Variants in GAREM1 observed in about 807,000 individuals in gnomAD.
GAREM1 encodes the protein GRB2 associated regulator of MAPK1 subtype 1.
In GAREM1, 26 loss-of-function variants were observed where a neutral mutation model predicts 71.3. The ratio of observed to expected loss-of-function variants is 0.36; its 90% CI spans 0.27 to 0.51. The LOEUF is 0.51. GAREM1 is among the 20% of genes least tolerant of loss of function. GAREM1 has a pLI of 0.95. For synonymous variants in GAREM1, 440 were observed against 433.2 expected, an observed-to-expected ratio of 1.02 and a Z score of -0.20; for missense variants, 1,026 against 1,103.1, an observed-to-expected ratio of 0.93 and a Z score of 0.99.
At chr18:32,448,573 A>C (rs1413032542) in intron 1 of GAREM1, among the ~76,000 whole-genome samples, 1 of 151,884 alleles carries the variant, frequency 6.6e-6, no homozygotes, top group African/African-American at 2.4e-5. Flanking sequence ...CCAGAAGCAG[A>C]GGCTCTCTAG....
At chr18:32,426,831 A>T (rs915072740) in intron 1 of GAREM1, among the ~76,000 whole-genome samples, 1 of 152,192 alleles carries the variant, frequency 6.6e-6, no homozygotes, top group Non-Finnish European at 1.5e-5. Context: ...GCTGCTCTAT[A>T]TCTTAAAGAT....
chr18:32,325,504 C>G (rs2047466240), intron 2 of GAREM1, among the ~76,000 whole-genome samples: 1 of 152,104 alleles, frequency 6.6e-6, no homozygotes, highest in African/African-American at 2.4e-5. Context: ...ACTTTCCTCT[C>G]AATTGTGCCG....
intron 1 of GAREM1, among the ~76,000 whole-genome samples, chr18:32,458,535 G>C (rs2048919781): frequency 6.6e-6 from 1 of 151,712 alleles, no homozygotes; most frequent in African/African-American, 2.4e-5. Flanking sequence ...GACTGCTGAA[G>C]ACAAATAAGT....
At chr18:32,343,586 C>G (rs1214075724) in intron 2 of GAREM1, among the ~76,000 whole-genome samples, 1 of 152,088 alleles carries the variant, frequency 6.6e-6, no homozygotes, top group East Asian at 1.9e-4. Context: ...CAGGCATAAG[C>G]CACTGTGCCT....
intron 2 of GAREM1, among the ~76,000 whole-genome samples, chr18:32,392,644 T>C (rs1488778730): frequency 6.6e-6 from 1 of 152,152 alleles, no homozygotes; most frequent in Non-Finnish European, 1.5e-5. Flanking sequence ...TCCAAGACAA[T>C]AGAGGTGTTT....
intron 2 of GAREM1, among the ~76,000 whole-genome samples, chr18:32,343,888 C>T (rs2047670967): frequency 6.6e-6 from 1 of 152,126 alleles, no homozygotes; most frequent in African/African-American, 2.4e-5. Flanking sequence ...GCACCCCCCA[C>T]TCCCAGCTCT....
chr18:32,279,452 T>G (rs2041585448), intron 4 of GAREM1, among the ~76,000 whole-genome samples: 1 of 152,184 alleles, frequency 6.6e-6, no homozygotes, highest in Admixed American at 6.5e-5. Flanking sequence ...ACTGCACATG[T>G]GAGGGATCTT....
At position 32,267,999 on chromosome 18, in the gene GAREM1, T is replaced by C; in HGVS notation, c.2503A>G (p.Thr835Ala). The part of the protein sequence containing the change: ...LSEDVISFFV[T>A]EKIDGNLLVQ... ...AGCAGGTTCCCATCAATCTTTTCAG[T>C]AACAAAGAATGATATGACATCTTCG... The change falls in exon 6 of 6, where the codon ACT becomes GCT. Residue 835 changes from threonine (T) to alanine (A), a missense_variant. By Grantham distance (58) the Thr-to-Ala change is moderately conservative. Around this residue, in one of 3 missense-constraint regions of GAREM1, gnomAD observed 636 missense variants for 631.2 expected, o/e 1.01. Coordinates refer to ENST00000269209, the MANE Select transcript of GAREM1 (RefSeq NM_001242409.2). The C allele has an allele frequency of 6.2e-7, 1 of 1,613,788 alleles. No homozygotes were observed. Among genetic ancestry groups the C allele is most frequent in the Non-Finnish European group, 8.5e-7 (1 of 1,179,722 alleles).
At chr18:32,360,432 G>GATGGAAGTTTCAGGTGC (rs2047854800) in intron 2 of GAREM1, among the ~76,000 whole-genome samples, 1 of 152,166 alleles carries the variant, frequency 6.6e-6, no homozygotes, top group Non-Finnish European at 1.5e-5. Context: ...CTAAAATTCA[G>GATGGAAGTTTCAGGTGC]ATGGAAGTTT....
chr18:32,339,192 G>C (rs758416692), intron 2 of GAREM1, among the ~76,000 whole-genome samples: 1 of 152,094 alleles, frequency 6.6e-6, no homozygotes, highest in Non-Finnish European at 1.5e-5. Flanking sequence ...CTGATATACT[G>C]GTTTCACCCT....
intron 2 of GAREM1, among the ~76,000 whole-genome samples, chr18:32,358,167 G>A (rs747444489): frequency 6.2e-5 from 8 of 130,002 alleles, no homozygotes; most frequent in East Asian, 2.2e-4. Flanking sequence ...CACCCCACAC[G>A]GAGGCTTTCA....
chr18:32,370,197 C>A (rs975470966), intron 2 of GAREM1, among the ~76,000 whole-genome samples: 1 of 152,050 alleles, frequency 6.6e-6, no homozygotes, highest in African/African-American at 2.4e-5. Flanking sequence ...CTTTGGGGGG[C>A]CGAGGCCGGC....
At chr18:32,418,206 A>G (rs1403711408) in intron 1 of GAREM1, among the ~76,000 whole-genome samples, 2 of 152,194 alleles carry the variant, frequency 1.3e-5, no homozygotes, top group East Asian at 3.8e-4. Context: ...TCACATACAT[A>G]TAATAGAGCA....
chr18:32,397,827 A>G (rs1334894829), intron 1 of GAREM1, among the ~76,000 whole-genome samples: 1 of 152,222 alleles, frequency 6.6e-6, no homozygotes, highest in African/African-American at 2.4e-5. Flanking sequence ...ATAGACATCT[A>G]CAGAACTCTC....
intron 1 of GAREM1, chr18:32,412,971 T>C (rs1019345040): frequency 6.9e-7 from 1 of 1,446,866 alleles, no homozygotes; most frequent in African/African-American, 1.4e-5. Context: ...CATAGCTGCA[T>C]CCACCTCCTC....
At chr18:32,396,511 A>C (rs1167540419) in intron 1 of GAREM1, among the ~76,000 whole-genome samples, 1 of 152,254 alleles carries the variant, frequency 6.6e-6, no homozygotes, top group African/African-American at 2.4e-5. Flanking sequence ...TGACGAATGC[A>C]CAAGCTTCAG....
intron 1 of GAREM1, among the ~76,000 whole-genome samples, chr18:32,447,514 T>C (rs1286490850): frequency 6.6e-6 from 1 of 152,102 alleles, no homozygotes. Flanking sequence ...AGATATATAG[T>C]CATATTAATA....
chr18:32,398,410 C>T (rs112197645), intron 1 of GAREM1, among the ~76,000 whole-genome samples: 16 of 151,896 alleles, frequency 1.1e-4, no homozygotes, highest in Middle Eastern at 3.4e-3. Flanking sequence ...CAAAATTGAT[C>T]GACCACTAGC....
At chr18:32,382,061 G>T (rs1305821093) in intron 2 of GAREM1, among the ~76,000 whole-genome samples, 1 of 152,172 alleles carries the variant, frequency 6.6e-6, no homozygotes, top group African/African-American at 2.4e-5. Flanking sequence ...GACCTGACTT[G>T]TTCTCCAGGT....
Sources: gnomAD v4.1 joint callset for allele counts (sites outside exome capture counted in the v4.1 genomes callset) on GRCh38, gnomAD v4.1.1 for gene constraint, gnomAD v4.1.1 regional missense constraint, MANE v1.5 for transcripts, NCBI Gene and HGNC (gene_info 2026-07-23, HGNC 2026-07-21) for gene names.